RP1: variants seen among roughly 807,000 people sequenced by gnomAD.
RP1 encodes the protein oxygen-regulated protein 1.
RP1 carries 16 observed loss-of-function variants against 14.8 expected under a neutral mutation model. That is an observed-to-expected ratio of 1.08 (90% confidence interval 0.73 to 1.65). The LOEUF is 1.65. RP1 is among the 40% of genes most tolerant of loss of function. The pLI is 0.00. For missense variants in RP1, 2,631 were observed against 2,535.0 expected, an observed-to-expected ratio of 1.04 and a Z score of -0.81; for synonymous variants, 876 against 883.6, an observed-to-expected ratio of 0.99 and a Z score of 0.15.
chr8:54,575,291 C>A (rs1017219604), intron 1 of RP1, among the ~76,000 whole-genome samples: 4 of 152,100 alleles, frequency 2.6e-5, no homozygotes, highest in African/African-American at 9.7e-5. Flanking sequence ...AACAAGGATA[C>A]TGAGATGGAG....
At chr8:54,849,931 T>C (rs571871809) in intron 25 of RP1, among the ~76,000 whole-genome samples, 1 of 152,246 alleles carries the variant, frequency 6.6e-6, no homozygotes, top group South Asian at 2.1e-4. Flanking sequence ...TGAAAATACA[T>C]AGTGTAGCTA....
intron 28 of RP1, among the ~76,000 whole-genome samples, chr8:54,867,462 C>A (rs1242090953): frequency 6.6e-6 from 1 of 152,032 alleles, no homozygotes; most frequent in African/African-American, 2.4e-5. Context: ...TTTTTTAGCA[C>A]CAGATTTGGA....
intron 24 of RP1, among the ~76,000 whole-genome samples, chr8:54,821,168 A>C (rs992586316): frequency 1.3e-5 from 2 of 152,220 alleles, no homozygotes; most frequent in Non-Finnish European, 2.9e-5. Context: ...AACAAATGGT[A>C]AATAAGGTGT....
At chr8:54,668,083 T>C (rs1807058635) in intron 7 of RP1, among the ~76,000 whole-genome samples, 2 of 151,896 alleles carry the variant, frequency 1.3e-5, no homozygotes, top group African/African-American at 4.8e-5. Flanking sequence ...AATGCAAAAA[T>C]CCTCAATAAA....
intron 10 of RP1, chr8:54,679,586 A>G (rs1254325947): frequency 7.2e-6 from 11 of 1,535,842 alleles, no homozygotes; most frequent in African/African-American, 1.4e-5. Flanking sequence ...CCCTCTCTTT[A>G]TCTTCTCAGG....
chr8:54,677,471 A>T (rs1272865349), intron 8 of RP1, among the ~76,000 whole-genome samples: 1 of 152,194 alleles, frequency 6.6e-6, no homozygotes, highest in Non-Finnish European at 1.5e-5. Context: ...TTATGCCTAT[A>T]ATTCCAGCAT....
intron 8 of RP1, among the ~76,000 whole-genome samples, chr8:54,675,168 T>A (rs759016232): frequency 2.0e-5 from 3 of 152,094 alleles, no homozygotes; most frequent in Admixed American, 6.6e-5. Context: ...AACATGAAAG[T>A]TTAGGCAATG....
intron 1 of RP1, among the ~76,000 whole-genome samples, chr8:54,565,015 C>T (rs1411311500): frequency 6.6e-6 from 1 of 152,154 alleles, no homozygotes; most frequent in East Asian, 1.9e-4. Context: ...CTCTGCCTCC[C>T]AAAGTGTTGG....
At chr8:54,724,375 T>C (rs969865574) in intron 16 of RP1, among the ~76,000 whole-genome samples, 1 of 152,198 alleles carries the variant, frequency 6.6e-6, no homozygotes, top group Non-Finnish European at 1.5e-5. Flanking sequence ...ATTTTGTAGA[T>C]TTACTGCCTT....
At chr8:54,760,947 C>G (rs1462586923) in intron 22 of RP1, among the ~76,000 whole-genome samples, 1 of 152,150 alleles carries the variant, frequency 6.6e-6, no homozygotes, top group East Asian at 1.9e-4. Flanking sequence ...TAACACATAG[C>G]ACTGAAGAGG....
At chr8:54,697,200 T>G in intron 12 of RP1, 1 of 706,884 alleles carries the variant, frequency 1.4e-6, no homozygotes, top group Non-Finnish European at 2.5e-6. Context: ...GGGGGAATTT[T>G]TATCCAGAGA....
At chr8:54,606,331 A>G (rs6984558) in intron 1 of RP1, among the ~76,000 whole-genome samples, 9,723 of 151,952 alleles carry the variant, frequency 0.064, 1,020 homozygotes, top group African/African-American at 0.22. Context: ...TGAAATTCTG[A>G]GTTGAAAATT....
At chr8:54,741,541 A>G (rs1314382631) in intron 19 of RP1, among the ~76,000 whole-genome samples, 1 of 151,698 alleles carries the variant, frequency 6.6e-6, no homozygotes, top group Non-Finnish European at 1.5e-5. Context: ...AGGCTATTCC[A>G]TCTAGGTTTG....
intron 24 of RP1, among the ~76,000 whole-genome samples, chr8:54,787,430 T>A (rs1810348576): frequency 6.6e-6 from 1 of 152,146 alleles, no homozygotes; most frequent in African/African-American, 2.4e-5. Flanking sequence ...TGCTGAAATT[T>A]GTTTAATATT....
Position 54,837,798 on chromosome 8 carries a change from A to T in RP1, c.3835+129A>T, listed in dbSNP as rs75969862. On this transcript the variant is annotated intron_variant, in intron 25 of 28. Transcript: ENST00000637698. ...ATATCTCACACTTCGTGGGCTATAA[A>T]GTCTCTGCCAAAACTGCTCAACTCT... The T allele has an allele frequency of 2.2e-3, 1,014 of 463,006 alleles. 8 individuals are homozygous for T. Among genetic ancestry groups the T allele is most frequent in the African/African-American group, 0.019 (929 of 49,918 alleles). 28.7% of individuals were successfully genotyped at this position (463,006 alleles called of 1,614,324 possible).
chr8:54,855,252 A>G (rs529001247), intron 26 of RP1, among the ~76,000 whole-genome samples: 1 of 152,202 alleles, frequency 6.6e-6, no homozygotes, highest in South Asian at 2.1e-4. Flanking sequence ...CCTTCGCGAG[A>G]CTGAGTAGTA....
At chr8:54,774,565 G>A (rs1478949066), downstream of RP1, among the ~76,000 whole-genome samples, 2 of 152,202 alleles carry the variant, frequency 1.3e-5, no homozygotes, top group Non-Finnish European at 2.9e-5. Context: ...AGTGTTAAGT[G>A]AGCAACCAGG....
chr8:54,838,097 T>C (rs762168562), intron 25 of RP1, among the ~76,000 whole-genome samples: 8 of 152,230 alleles, frequency 5.3e-5, no homozygotes, highest in Non-Finnish European at 1.2e-4. Context: ...TTAACACCAG[T>C]ATGTCTGTTC....
chr8:54,857,127 A>T, intron 27 of RP1: 1 of 1,145,410 alleles, frequency 8.7e-7, no homozygotes, highest in Non-Finnish European at 1.1e-6. Flanking sequence ...GTTTCTTGGT[A>T]AGAAGTTTAT....
Sources: allele counts gnomAD v4.1 joint callset (sites outside exome capture counted in the v4.1 genomes callset), GRCh38; gene constraint gnomAD v4.1.1; transcripts MANE v1.5; gene names NCBI Gene and HGNC (gene_info 2026-07-23, HGNC 2026-07-21).